RALGAPB: variants seen among roughly 807,000 people sequenced by gnomAD.
RALGAPB encodes the protein ral GTPase-activating protein subunit beta.
Under a neutral mutation model 161.1 loss-of-function variants are expected in RALGAPB, and 25 were observed. That is an observed-to-expected ratio of 0.16 (90% CI 0.11 to 0.22). The LOEUF (loss-of-function observed/expected upper bound fraction) is 0.22, where lower values mean the gene tolerates loss of function less well. RALGAPB is among the 10% of genes least tolerant of loss of function. The pLI, the probability that RALGAPB is intolerant of heterozygous loss-of-function variation, is 1.00. For synonymous variants in RALGAPB, 629 were observed against 626.1 expected (o/e 1.00, Z -0.07); for missense variants, 1,391 against 1,815.2 (o/e 0.77, Z 4.25).
At chr20:38,525,814 C>T in intron 12 of RALGAPB, 81 bp from the exon 13 acceptor site, 3 of 1,398,252 alleles carry the variant, frequency 2.1e-6, no homozygotes, top group Non-Finnish European at 3.0e-6. Context: ...TTATACTGAT[C>T]CGTTCCTCCA....
chr20:38,513,302 G>A lies in RALGAPB; in HGVS notation c.873-2890G>A, dbSNP rs1026037669. On this transcript the variant is annotated intron_variant, in intron 6 of 29. Transcript: ENST00000262879. ...GCGGATCCCTTGAAGTCAGGAGTTC[G>A]AGACCAGCCTGGCCAACATGGTGAA... is the stretch of plus-strand genomic sequence containing the variant. Among the ~76,000 whole-genome samples the A allele has an allele frequency of 1.9e-4, 29 of 152,020 alleles. No homozygotes were observed. In the South Asian group the frequency reaches 3.5e-3, roughly 19 times the overall value.
intron 16 of RALGAPB, among the ~76,000 whole-genome samples, chr20:38,537,390 G>C (rs2086839180): frequency 6.6e-6 from 1 of 152,148 alleles, no homozygotes; most frequent in South Asian, 2.1e-4. Context: ...TATAATCCCA[G>C]CACTTTGGGA....
At chr20:38,553,545 A>G (rs925079231) in intron 21 of RALGAPB, among the ~76,000 whole-genome samples, 2 of 152,154 alleles carry the variant, frequency 1.3e-5, no homozygotes, top group African/African-American at 4.8e-5. Flanking sequence ...ACCTTGGACC[A>G]TGTTTGCTTA....
At position 38,487,334 on chromosome 20, in the gene RALGAPB, A is replaced by ATT. The variant is rs11481428; in HGVS notation, c.-30-1061_-30-1060dup. Among the ~76,000 whole-genome samples, 71 of 151,368 alleles carry ATT rather than the reference A, an allele frequency of 4.7e-4. 1 individual carries two copies. The highest frequency in any genetic ancestry group is 3.3e-3 in the South Asian group (16 of 4,788). Reference sequence around the variant, plus strand: ...GAATTGTAGCAAGGCTTTATTGTTGATTTTTTTTTATTTGGATAAAATAAT... The same window carrying ATT: ...GAATTGTAGCAAGGCTTTATTGTTGATTTTTTTTTTTATTTGGATAAAATAAT... On this transcript the variant is annotated intron_variant, in intron 1 of 29. Transcript: ENST00000262879.
At chr20:38,538,895 C>T (rs2086886291) in intron 16 of RALGAPB, among the ~76,000 whole-genome samples, 1 of 152,092 alleles carries the variant, frequency 6.6e-6, no homozygotes, top group South Asian at 2.1e-4. Context: ...AATTCCACTC[C>T]TAGGAGATAA....
At chr20:38,511,720 A>G (rs1344702299) in intron 6 of RALGAPB, among the ~76,000 whole-genome samples, 1 of 152,206 alleles carries the variant, frequency 6.6e-6, no homozygotes, top group Non-Finnish European at 1.5e-5. Flanking sequence ...GGAGTCTCCT[A>G]TGTCTACTTC....
intron 1 of RALGAPB, among the ~76,000 whole-genome samples, chr20:38,478,058 G>C (rs1320737958): frequency 6.6e-6 from 1 of 152,216 alleles, no homozygotes; most frequent in African/African-American, 2.4e-5. Context: ...GGAGGCAGAG[G>C]CTGCTGTGAG....
At chr20:38,548,366 G>A (rs559592239) in intron 19 of RALGAPB, among the ~76,000 whole-genome samples, 14 of 152,328 alleles carry the variant, frequency 9.2e-5, no homozygotes, top group African/African-American at 3.4e-4. Flanking sequence ...ACCATTGGAG[G>A]TATGTGAGAT....
chr20:38,532,813 G>T lies in RALGAPB; in HGVS notation c.2199G>T (p.Thr733=), dbSNP rs144309564. 4.3e-6 allele frequency: 7 copies of T among 1,614,124 alleles called. No homozygotes were observed. The Admixed American group carries it at 8.3e-5, about 19-fold the overall frequency. The change falls in exon 15 of 30, where the codon ACG becomes ACT. Residue 733 remains threonine, a synonymous_variant. Transcript: ENST00000262879. ...CAAGTGGTGGAAGCACGGAGCCCAC[G>T]ACTCCCGATAGTGAGAGACCTGCTC... ...SSASGGSTEP[T]TPDSERPAQA... is the part of the protein sequence containing the mutation.
At chr20:38,499,342 A>G in intron 4 of RALGAPB, 105 bp from the exon 5 acceptor site, 1 of 1,042,114 alleles carries the variant, frequency 9.6e-7, no homozygotes, top group Non-Finnish European at 1.4e-6. Context: ...AAAACTTAAT[A>G]TTGCACTTAT....
In RALGAPB at chr20:38,521,491, C is replaced by A. The variant is rs1299076116; in HGVS notation, c.1418-6C>A. 6.2e-7 allele frequency: 1 copy of A among 1,614,032 alleles called. No homozygotes were observed. Among genetic ancestry groups the A allele is most frequent in the East Asian group, 2.2e-5 (1 of 44,878 alleles). ...ATATAATAAAACCCTCCTTTTCTCT[C>A]CCCAGCCATTACAACACAAGCTAGC... is the stretch of plus-strand genomic sequence containing the variant. On this transcript the variant is annotated splice_polypyrimidine_tract_variant and splice_region_variant and intron_variant, in intron 9 of 29. Transcript: ENST00000262879.
rs1160661185 is a variant in RALGAPB at position 38,575,027 on chromosome 20, T to C, written c.*60T>C. On this transcript the variant is annotated 3_prime_UTR_variant, in exon 30 of 30. Coordinates refer to ENST00000262879, the MANE Select transcript of RALGAPB (RefSeq NM_020336.4). ...TGGGAACTATAACACAGCAGAACAG[T>C]TTGATAGGTGATCACTGTAAAAATA... 2 of 1,335,366 alleles carry C rather than the reference T, an allele frequency of 1.5e-6. No homozygotes were observed. Among genetic ancestry groups the C allele is most frequent in the African/African-American group, 1.4e-5 (1 of 69,056 alleles). The allele number at this position is 1,335,366 out of a possible 1,614,324, so 82.7% of individuals were successfully genotyped here. A position where few individuals can be genotyped will look rare whatever the true frequency, so the allele number is the denominator to read the frequency against.
At chr20:38,569,378 T>C (rs1484432403) in intron 26 of RALGAPB, 1 of 155,532 alleles carries the variant, frequency 6.4e-6, no homozygotes, top group Admixed American at 6.2e-5. Flanking sequence ...CACTGCATGG[T>C]AATGAAGCCC....
intron 16 of RALGAPB, among the ~76,000 whole-genome samples, chr20:38,535,552 G>A (rs1223109304): frequency 6.6e-6 from 1 of 150,796 alleles, no homozygotes; most frequent in Non-Finnish European, 1.5e-5. Flanking sequence ...CTGTGGCTCT[G>A]CCATCCTCCA....
chr20:38,558,347 T>C lies in RALGAPB; in HGVS notation c.3425T>C (p.Ile1142Thr). 6.2e-7 allele frequency: 1 copy of C among 1,606,772 alleles called. No homozygotes were observed. The highest frequency in any genetic ancestry group is 8.5e-7 in the Non-Finnish European group (1 of 1,175,706). Reference protein sequence around the residue: ...PPHLIALDSTIPGFFDDIGYL... With the variant: ...PPHLIALDSTTPGFFDDIGYL... ...CACCTTATTGCACTTGATTCCACGA[T>C]ACCTGGATTTTTTGATGACATTGGG... The change falls in exon 23 of 30, where the codon ATA becomes ACA. Residue 1142 changes from isoleucine (I) to threonine (T), a missense_variant. Around this residue, in one of 3 missense-constraint regions of RALGAPB, gnomAD observed 436 missense variants for 527.0 expected, o/e 0.83. Transcript: ENST00000262879.
At position 38,558,464 on chromosome 20, in the gene RALGAPB, C is replaced by T. The variant is rs944450336; in HGVS notation, c.3531+11C>T. The T allele has an allele frequency of 1.6e-5, 24 of 1,538,662 alleles. No individual in the cohort carries two copies. In the East Asian group the frequency reaches 2.8e-4, roughly 18 times the overall value. On this transcript the variant is annotated intron_variant, in intron 23 of 29. Coordinates refer to ENST00000262879, the MANE Select transcript of RALGAPB (RefSeq NM_020336.4). ...AAAACGAACCAAGAGGTAAGAGTTA[C>T]GAATTTTTTTTTTTTGGTATGTTTT...
rs1374312208 is a variant in RALGAPB, at chr20:38,521,385, T to C, written c.1418-112T>C. On this transcript the variant is annotated intron_variant, in intron 9 of 29. Transcript: ENST00000262879. ...CATAGTTGCTAAACAAAAGCACTTA[T>C]TGGATTCAAGTAGCTATTTAATGAC... The C allele has an allele frequency of 7.4e-6, 11 of 1,491,928 alleles. No homozygotes were observed. The Admixed American group carries it at 9.5e-5, about 13-fold the overall frequency. The allele number at this position is 1,491,928 out of a possible 1,614,324, so 92.4% of individuals were successfully genotyped here. A position where few individuals can be genotyped will look rare whatever the true frequency, so the allele number is the denominator to read the frequency against.
At position 38,517,499 on chromosome 20, in the gene RALGAPB, T is replaced by A. The variant is rs768499913; in HGVS notation, c.1052-7T>A. 13 of 1,546,168 alleles carry A rather than the reference T, an allele frequency of 8.4e-6. No homozygotes were observed. In the South Asian group the frequency reaches 1.5e-4, roughly 18 times the overall value. On this transcript the variant is annotated splice_polypyrimidine_tract_variant and splice_region_variant and intron_variant, in intron 7 of 29. Coordinates refer to ENST00000262879, the MANE Select transcript of RALGAPB (RefSeq NM_020336.4). Reference sequence around the variant, plus strand: ...ATAATTTCATTTGTCTTTTTTTTTTTTTTAAGGTATTTCTAGACCCCGATC... The same window carrying A: ...ATAATTTCATTTGTCTTTTTTTTTTATTTAAGGTATTTCTAGACCCCGATC...
intron 23 of RALGAPB, 88 bp from the exon 24 acceptor site, chr20:38,562,444 C>T (rs2087816805): frequency 1.7e-6 from 2 of 1,167,390 alleles, no homozygotes; most frequent in African/African-American, 1.6e-5. Context: ...TTGTCAGAAG[C>T]TTCAAAACTA....
Sources: allele counts gnomAD v4.1 joint callset (sites outside exome capture counted in the v4.1 genomes callset), GRCh38; gene constraint gnomAD v4.1.1; regional missense constraint gnomAD v4.1.1; transcripts MANE v1.5; gene names NCBI Gene and HGNC (gene_info 2026-07-23, HGNC 2026-07-21).